The following ART3 variants were observed in gnomAD, a reference collection of about 807,000 sequenced individuals.
ART3 encodes the protein ecto-ADP-ribosyltransferase 3.
In ART3, 49 loss-of-function variants were observed where a neutral mutation model predicts 48.5. The observed-to-expected ratio is 1.01, with a 90% confidence interval of 0.80 to 1.28. The LOEUF (loss-of-function observed/expected upper bound fraction) is 1.28. ART3 is among the 50% of genes most tolerant of loss of function. The probability of loss-of-function intolerance (pLI) is 0.00; values close to 1 mark genes in which losing one functional copy is unlikely to be tolerated. For synonymous variants in ART3, 145 were observed against 157.2 expected, an observed-to-expected ratio of 0.92 and a Z score of 0.58; for missense variants, 438 against 454.3, an observed-to-expected ratio of 0.96 and a Z score of 0.33.
At chr4:76,094,044 G>A (rs1317640943) in intron 3 of ART3, among the ~76,000 whole-genome samples, 1 of 152,208 alleles carries the variant, frequency 6.6e-6, no homozygotes, top group Non-Finnish European at 1.5e-5. Context: ...GAAGAGGAAA[G>A]GAGACCATAG....
At chr4:76,102,454 G>A (rs551731787) in intron 8 of ART3, among the ~76,000 whole-genome samples, 2 of 152,122 alleles carry the variant, frequency 1.3e-5, no homozygotes, top group African/African-American at 4.8e-5. Flanking sequence ...TGAAGCAATG[G>A]CCTCCTATAA....
chr4:76,060,850 A>G (rs73825725), intron 1 of ART3, among the ~76,000 whole-genome samples: 3,852 of 152,330 alleles, frequency 0.025, 151 homozygotes, highest in African/African-American at 0.085. Context: ...CCCTCAGCTG[A>G]CAGTCAACAA....
At chr4:76,051,826 G>A (rs1481071473) in intron 1 of ART3, among the ~76,000 whole-genome samples, 1 of 150,488 alleles carries the variant, frequency 6.6e-6, no homozygotes, top group African/African-American at 2.5e-5. Context: ...ACTGGCATAA[G>A]CCACTGTACC....
chr4:76,036,041 CTCT>C, intron 1 of ART3: 2 of 1,556,626 alleles, frequency 1.3e-6, no homozygotes, highest in Admixed American at 1.7e-5. Context: ...AGCTTTGCTG[CTCT>C]TCTTGGAAGG....
intron 2 of ART3, among the ~76,000 whole-genome samples, chr4:76,076,832 T>A (rs887122519): frequency 6.6e-6 from 1 of 152,200 alleles, no homozygotes; most frequent in African/African-American, 2.4e-5. Flanking sequence ...AAATATAATA[T>A]TTCACTTGAT....
chr4:76,081,707 T>C (rs1244536971), intron 2 of ART3, 117 bp from the exon 3 acceptor site: 1 of 1,053,952 alleles, frequency 9.5e-7, no homozygotes, highest in African/African-American at 1.6e-5. Flanking sequence ...CCAAAATTGG[T>C]TATAAGTCAG....
At chr4:76,090,636 G>A (rs1724666592) in intron 3 of ART3, among the ~76,000 whole-genome samples, 1 of 152,150 alleles carries the variant, frequency 6.6e-6, no homozygotes, top group South Asian at 2.1e-4. Context: ...AACAAGTCAG[G>A]GATGTGGAGG....
intron 8 of ART3, among the ~76,000 whole-genome samples, chr4:76,101,862 T>A (rs1727395403): frequency 6.6e-6 from 1 of 152,232 alleles, no homozygotes; most frequent in African/African-American, 2.4e-5. Flanking sequence ...TTTAGTAGTA[T>A]GTATTACTAG....
At chr4:76,100,175 G>A (rs1028696952) in intron 5 of ART3, 116 bp from the exon 6 acceptor site, 12 of 998,632 alleles carry the variant, frequency 1.2e-5, no homozygotes, top group South Asian at 1.4e-5. Context: ...TTTCCTGGAC[G>A]TATCAAATGG....
At chr4:76,012,413 A>C (rs1427210537) in intron 1 of ART3, among the ~76,000 whole-genome samples, 1 of 152,204 alleles carries the variant, frequency 6.6e-6, no homozygotes, top group African/African-American at 2.4e-5. Context: ...AAGCCCCAAG[A>C]GAATATTCTG....
At position 76,035,177 on chromosome 4, in the gene ART3, G is replaced by A; in HGVS notation, c.-10+23857G>A. The A allele has an allele frequency of 1.9e-6, 3 of 1,613,716 alleles. No homozygotes were observed. In the Admixed American group the frequency reaches 5.0e-5, roughly 27 times the overall value. ...TAGATGCAAATACATAAACAAAAAA[G>A]CCTGCACCATTGTCATCTTCAGCAA... On this transcript the variant is annotated intron_variant, in intron 1 of 9. Coordinates refer to the ART3 transcript ENST00000341029.
intron 1 of ART3, among the ~76,000 whole-genome samples, chr4:76,038,146 T>C (rs1734611375): frequency 6.6e-6 from 1 of 152,158 alleles, no homozygotes; most frequent in Admixed American, 6.5e-5. Context: ...TCCCATCACA[T>C]AGACATTTTA....
Position 76,112,558 on chromosome 4 carries a change from A to G in ART3, c.*39A>G, listed in dbSNP as rs372058110. 4.4e-6 allele frequency: 7 copies of G among 1,587,574 alleles called. No individual in the cohort carries two copies. The highest frequency in any genetic ancestry group is 1.4e-5 in the African/African-American group (1 of 74,052). The stretch of plus-strand genomic sequence containing the variant: ...TTATCTTTCTTATTCTTTACTTGAA[A>G]TAACTATAGGGATCCACAGGAGATC... On this transcript the variant is annotated 3_prime_UTR_variant, in exon 12 of 12. Coordinates refer to ENST00000355810, the MANE Select transcript of ART3 (RefSeq NM_001130016.3).
At chr4:76,050,568 AGAC>A (rs1171658452) in intron 1 of ART3, among the ~76,000 whole-genome samples, 3 of 152,248 alleles carry the variant, frequency 2.0e-5, no homozygotes, top group East Asian at 3.8e-4. Flanking sequence ...TGTTCCCACC[AGAC>A]TCAGGAGCCC....
chr4:76,106,307 T>C (rs767219234), intron 10 of ART3: 11 of 985,298 alleles, frequency 1.1e-5, no homozygotes, highest in Non-Finnish European at 1.3e-5. Flanking sequence ...AATATTTCTA[T>C]GCTAGGCACA....
chr4:76,111,579 A>G (rs1024128368), intron 11 of ART3, among the ~76,000 whole-genome samples: 7 of 152,176 alleles, frequency 4.6e-5, no homozygotes, highest in South Asian at 2.1e-4. Flanking sequence ...GTCTTGCTCT[A>G]TCACCCAGGA....
chr4:76,017,755 A>G (rs757797915), intron 1 of ART3, among the ~76,000 whole-genome samples: 29 of 152,208 alleles, frequency 1.9e-4, no homozygotes, highest in Non-Finnish European at 3.5e-4. Context: ...GCCAAAACTC[A>G]ACTTCTAACC....
At chr4:76,037,981 T>A (rs963514462) in intron 1 of ART3, among the ~76,000 whole-genome samples, 3 of 152,190 alleles carry the variant, frequency 2.0e-5, no homozygotes, top group African/African-American at 4.8e-5. Flanking sequence ...GCATTTAAAT[T>A]CTTTAACAAC....
chr4:76,068,671 A>T (rs1304788800), intron 1 of ART3, among the ~76,000 whole-genome samples: 1 of 152,146 alleles, frequency 6.6e-6, no homozygotes, highest in Non-Finnish European at 1.5e-5. Flanking sequence ...ATAAAAAAAA[A>T]AATAACTGTT....
Sources: allele counts gnomAD v4.1 joint callset (sites outside exome capture counted in the v4.1 genomes callset), GRCh38; gene constraint gnomAD v4.1.1; transcripts MANE v1.5; gene names NCBI Gene and HGNC (gene_info 2026-07-23, HGNC 2026-07-21).